The following ZNF786 variants were observed in gnomAD, a reference collection of about 807,000 sequenced individuals.
ZNF786 encodes the protein zinc finger protein 786.
A neutral mutation model predicts 63.1 loss-of-function variants in ZNF786; 56 were observed. That is an observed-to-expected ratio of 0.89 (90% CI 0.72 to 1.11). The LOEUF is 1.11. Among genes scored for constraint, ZNF786 ranks in the 50% least tolerant of loss-of-function variants. ZNF786 has a pLI of 0.00. For synonymous variants in ZNF786, 485 were observed against 406.9 expected, an observed-to-expected ratio of 1.19 and a Z score of -2.31; for missense variants, 1,213 against 1,041.8, an observed-to-expected ratio of 1.16 and a Z score of -2.26.
intron 1 of ZNF786, among the ~76,000 whole-genome samples, 174 bp downstream of exon 1, chr7:149,090,449 C>T (rs941761507): frequency 2.0e-5 from 3 of 152,220 alleles, no homozygotes; most frequent in African/African-American, 7.2e-5. Flanking sequence ...GGAGCGGAGG[C>T]CACCTGCTCA....
At chr7:149,086,786 A>C (rs987770899) in intron 1 of ZNF786, among the ~76,000 whole-genome samples, 44 of 151,532 alleles carry the variant, frequency 2.9e-4, no homozygotes, top group Admixed American at 8.6e-4. Flanking sequence ...TTCATGAGGG[A>C]TCCACCCCCC....
rs572331975 is a variant in ZNF786, at chr7:149,070,924, C to A, written c.1848G>T (p.Thr616=). Residue 616 remains threonine, a synonymous_variant, in exon 4 of 4, where the codon ACG becomes ACT. Transcript: ENST00000491431. ...CCGGACACTGGAAGGGCCTCTCTCC[C>A]GTGTGCAGGCGCTGATGGCTGAGCA... ...GQLLSHQRLH[T]GERPFQCPEC... is the part of the protein sequence containing the mutation. 7.5e-6 allele frequency: 12 copies of A among 1,609,536 alleles called. No homozygotes were observed. The highest frequency in any genetic ancestry group is 1.0e-5 in the Non-Finnish European group (12 of 1,178,882).
intron 1 of ZNF786, among the ~76,000 whole-genome samples, chr7:149,090,350 G>A (rs1825810852): frequency 6.6e-6 from 1 of 152,208 alleles, no homozygotes; most frequent in Non-Finnish European, 1.5e-5. Context: ...CCGTCCGCCC[G>A]GCATCCTCGC....
In ZNF786 at chr7:149,071,821, C is replaced by T. The variant is rs971271702; in HGVS notation, c.951G>A (p.Gln317=). The T allele has an allele frequency of 6.3e-7, 1 of 1,589,624 alleles. No homozygotes were observed. Among genetic ancestry groups the T allele is most frequent in the Non-Finnish European group, 8.5e-7 (1 of 1,172,912 alleles). ...PVDSTQARRC[Q]HSREGPASWR... is the part of the protein sequence containing the mutation. ...AAGAGGCCGGCCCCTCCCGGCTGTG[C>T]TGGCACCGGCGAGCCTGCGTGCTGT... The change falls in exon 4 of 4, where the codon CAG becomes CAA. Residue 317 remains glutamine, a synonymous_variant. Transcript: ENST00000491431.
In ZNF786 at chr7:149,075,067, A is replaced by G. The variant is rs554191717; in HGVS notation, c.146-529T>C. The stretch of plus-strand genomic sequence containing the variant: ...TGGTTTCAAATTCCTGTGCTCAAGC[A>G]GTCTGCCTGCCTTGGCCTCCCAAAG... On this transcript the variant is annotated intron_variant, in intron 2 of 3. Transcript: ENST00000491431. Among the ~76,000 whole-genome samples the G allele has an allele frequency of 6.8e-4, 104 of 152,224 alleles. 1 individual carries two copies. The highest frequency in any genetic ancestry group is 2.4e-3 in the African/African-American group (101 of 41,548).
At chr7:149,074,334 C>G (rs1825502729) in intron 3 of ZNF786, 52 bp downstream of exon 3, 1 of 1,595,368 alleles carries the variant, frequency 6.3e-7, no homozygotes, top group Non-Finnish European at 8.5e-7. Context: ...AGAAGAGAAA[C>G]AAATCTGAAC....
chr7:149,088,837 C>G (rs866050668), intron 1 of ZNF786, among the ~76,000 whole-genome samples: 1 of 152,036 alleles, frequency 6.6e-6, no homozygotes, highest in Admixed American at 6.6e-5. Context: ...CTTTCCAGTT[C>G]ATTTTAATAC....
Position 149,081,435 on chromosome 7 carries a change from C to CAA in ZNF786, c.19-720_19-719dup, listed in dbSNP as rs749538585. Among the ~76,000 whole-genome samples the CAA allele has an allele frequency of 1.7e-3, 79 of 46,192 alleles. 1 individual carries two copies. Among genetic ancestry groups the CAA allele is most frequent in the East Asian group, 0.01 (9 of 878 alleles). 30.3% of individuals were successfully genotyped at this position (46,192 alleles called of 152,430 possible). On this transcript the variant is annotated intron_variant, in intron 1 of 3. Transcript: ENST00000491431. ...TGGGCGACAGAGCAAGACTCGGTCT[C>CAA]AAAAAAAAAAAAAAAAAAAAAAAAA...
At chr7:149,079,317 G>A (rs1825614366) in intron 2 of ZNF786, among the ~76,000 whole-genome samples, 1 of 151,800 alleles carries the variant, frequency 6.6e-6, no homozygotes, top group Non-Finnish European at 1.5e-5. Context: ...GCTGAGGCAG[G>A]AGAATGACGT....
At chr7:149,081,165 C>G (rs191681788) in intron 1 of ZNF786, 1 of 456,246 alleles carries the variant, frequency 2.2e-6, no homozygotes, top group Admixed American at 2.4e-5. Flanking sequence ...CAGCCAGGCG[C>G]AGTGGGTCAT....
intron 1 of ZNF786, among the ~76,000 whole-genome samples, chr7:149,083,830 G>A (rs1825689739): frequency 1.3e-5 from 2 of 152,084 alleles, no homozygotes; most frequent in Admixed American, 1.3e-4. Flanking sequence ...TTAAGACAAT[G>A]GCCTCCAGCT....
rs756755963 is a variant in ZNF786, at chr7:149,071,760, A to G, written c.1012T>C (p.Ser338Pro). 6.3e-7 allele frequency: 1 copy of G among 1,588,426 alleles called. No homozygotes were observed. The highest frequency in any genetic ancestry group is 1.3e-5 in the African/African-American group (1 of 74,670). ...AGGCGCGAGCCTGGTTTCTGTCCCG[A>G]GTGCACACTGCTGGAGGCCCCGCGG... ...EGRGASSSVH[S>P]GQKPGSRLPQ... Residue 338 changes from serine (S) to proline (P), a missense_variant, in exon 4 of 4, where the codon TCG becomes CCG. Physicochemically the swap from Ser to Pro is moderately conservative, Grantham distance 74 (BLOSUM62 -1). Transcript: ENST00000491431.
chr7:149,072,024 G>T lies in ZNF786; in HGVS notation c.748C>A (p.Arg250Ser). ...TGGCGCAGCAGACACAGCTTCCGGC[G>T]GAAGCTCTTACCGCACACGCCACAC... ...FRCGVCGKSF[R>S]RKLCLLRHLA... The change falls in exon 4 of 4, where the codon CGC (arginine) becomes AGC (serine). Residue 250 changes from arginine (R) to serine (S), a missense_variant. Coordinates refer to ENST00000491431, the MANE Select transcript of ZNF786 (RefSeq NM_152411.4). The T allele has an allele frequency of 6.2e-7, 1 of 1,613,072 alleles. No homozygotes were observed. Among genetic ancestry groups the T allele is most frequent in the Non-Finnish European group, 8.5e-7 (1 of 1,179,770 alleles).
chr7:149,089,151 A>G (rs1825789050), intron 1 of ZNF786, among the ~76,000 whole-genome samples: 1 of 151,300 alleles, frequency 6.6e-6, no homozygotes, highest in Non-Finnish European at 1.5e-5. Flanking sequence ...ACGGGGTTTC[A>G]CCGTGTTAGC....
In ZNF786 at chr7:149,082,642, G is replaced by A. The variant is rs146409180; in HGVS notation, c.19-1925C>T. 380 of 194,134 alleles carry A rather than the reference G, an allele frequency of 2.0e-3. 3 individuals carry two copies. Among genetic ancestry groups the A allele is most frequent in the African/African-American group, 8.1e-3 (345 of 42,564 alleles). 12.0% of individuals were successfully genotyped at this position (194,134 alleles called of 1,614,324 possible). A position where few individuals can be genotyped will look rare whatever the true frequency, so the allele number is the denominator to read the frequency against. ...TGTTGCCAGGCTGGAGTGCAGTGGC[G>A]TGATCTTAGCTCACTGCATCCTCCA... On this transcript the variant is annotated intron_variant, in intron 1 of 3. Coordinates refer to ENST00000491431, the MANE Select transcript of ZNF786 (RefSeq NM_152411.4).
Position 149,071,023 on chromosome 7 carries a change from G to A in ZNF786, c.1749C>T (p.His583=). 1 of 1,612,866 alleles carries A rather than the reference G, an allele frequency of 6.2e-7. No individual in the cohort carries two copies. Among genetic ancestry groups the A allele is most frequent in the Non-Finnish European group, 8.5e-7 (1 of 1,179,902 alleles). ...GFTRQSKLTE[H]LRVHSGERPF... Reference sequence around the variant, plus strand: ...GTCTCTCCCCGCTGTGCACGCGCAAGTGCTCCGTGAGCTTGGATTGTCTGG... The same window carrying A: ...GTCTCTCCCCGCTGTGCACGCGCAAATGCTCCGTGAGCTTGGATTGTCTGG... Residue 583 remains histidine (H), a synonymous_variant, in exon 4 of 4, where the codon CAC becomes CAT. Transcript: ENST00000491431.
rs751316585 is a variant in ZNF786, at chr7:149,070,456, T to C, written c.2316A>G (p.Gln772=). 1 of 1,613,924 alleles carries C rather than the reference T, an allele frequency of 6.2e-7. No homozygotes were observed. The highest frequency in any genetic ancestry group is 2.2e-5 in the East Asian group (1 of 44,886). ...NELDIKKRLS[Q]LFAMIEADWS ...AATCGGCCTCTATCATTGCAAACAG[T>C]TGGCTGAGCCTTTTCTTAATGTCCA... Residue 772 remains glutamine, a synonymous_variant, in exon 4 of 4, where the codon CAA becomes CAG. Coordinates refer to ENST00000491431, the MANE Select transcript of ZNF786 (RefSeq NM_152411.4).
intron 1 of ZNF786, among the ~76,000 whole-genome samples, chr7:149,089,458 G>A (rs1275099130): frequency 6.6e-6 from 1 of 152,116 alleles, no homozygotes; most frequent in Non-Finnish European, 1.5e-5. Flanking sequence ...TGGGATTACA[G>A]GCGTCCGCCA....
chr7:149,083,566 A>G (rs10278970), intron 1 of ZNF786, among the ~76,000 whole-genome samples: 90,773 of 151,576 alleles, frequency 0.6, 28,562 homozygotes, highest in East Asian at 0.9. Flanking sequence ...AGTTTCAGGC[A>G]AACATGTGCA....
Sources: allele counts gnomAD v4.1 joint callset (sites outside exome capture counted in the v4.1 genomes callset), GRCh38; gene constraint gnomAD v4.1.1; transcripts MANE v1.5; gene names NCBI Gene and HGNC (gene_info 2026-07-23, HGNC 2026-07-21).